The following NRG3 variants were observed in gnomAD, a reference collection of about 807,000 sequenced individuals.
The protein encoded by NRG3 is neuregulin 3.
A neutral mutation model predicts 66.9 loss-of-function variants in NRG3; 31 were observed. That is an observed-to-expected ratio of 0.46 (90% CI 0.35 to 0.63). NRG3 has a LOEUF of 0.63. Ranked by LOEUF, NRG3 falls within the 20% of genes least tolerant of loss-of-function variation. The probability of loss-of-function intolerance (pLI) is 0.00; values close to 1 mark genes in which losing one functional copy is unlikely to be tolerated. For missense variants in NRG3, 910 were observed against 878.9 expected, an observed-to-expected ratio of 1.04 and a Z score of -0.45; for synonymous variants, 393 against 359.4, an observed-to-expected ratio of 1.09 and a Z score of -1.06.
At chr10:82,395,932 T>C (rs2086687114) in intron 2 of NRG3, among the ~76,000 whole-genome samples, 1 of 152,084 alleles carries the variant, frequency 6.6e-6, no homozygotes, top group African/African-American at 2.4e-5. Flanking sequence ...GAAAGACTAA[T>C]ATTTATTTAG....
chr10:82,312,649 G>A (rs771862465), intron 1 of NRG3, among the ~76,000 whole-genome samples: 1 of 152,154 alleles, frequency 6.6e-6, no homozygotes, highest in Non-Finnish European at 1.5e-5. Context: ...ATTGCAAGAT[G>A]GCACCTAGTG....
At chr10:82,266,387 G>C (rs943987653) in intron 1 of NRG3, among the ~76,000 whole-genome samples, 3 of 152,022 alleles carry the variant, frequency 2.0e-5, no homozygotes, top group African/African-American at 7.2e-5. Context: ...AGTAATATGG[G>C]GGCTACAGCG....
chr10:82,961,210 A>G (rs564642771), intron 6 of NRG3, among the ~76,000 whole-genome samples: 1 of 152,352 alleles, frequency 6.6e-6, no homozygotes, highest in Admixed American at 6.5e-5. Flanking sequence ...ATAAGGTGAA[A>G]AGTTTGTACC....
chr10:82,135,926 A>T (rs1172663087), intron 1 of NRG3, among the ~76,000 whole-genome samples: 1 of 152,064 alleles, frequency 6.6e-6, no homozygotes, highest in Admixed American at 6.6e-5. Flanking sequence ...GGCATTGAAG[A>T]GTTGGGTATT....
intron 1 of NRG3, among the ~76,000 whole-genome samples, chr10:81,947,165 T>C (rs1354780631): frequency 1.3e-5 from 2 of 152,162 alleles, no homozygotes; most frequent in Non-Finnish European, 2.9e-5. Context: ...TCTTGGTCTC[T>C]GTCTATTCGC....
At chr10:82,905,950 G>T (rs1173938350) in intron 4 of NRG3, among the ~76,000 whole-genome samples, 1 of 152,078 alleles carries the variant, frequency 6.6e-6, no homozygotes, top group Non-Finnish European at 1.5e-5. Flanking sequence ...TAGGTTAGAG[G>T]CTAGCTTAGC....
chr10:82,132,511 T>TATATC lies in NRG3; in HGVS notation c.824-226224_824-226223insCATAT, dbSNP rs1564593794. ...ATATATGATATATATATATCATATA[T>TATATC]ATATGATATATATGATATATATATG... On this transcript the variant is annotated intron_variant, in intron 1 of 8. Transcript: ENST00000372141. Among the ~76,000 whole-genome samples, 98 of 12,686 alleles carry TATATC rather than the reference T, an allele frequency of 7.7e-3. 15 individuals are homozygous for TATATC. The highest frequency in any genetic ancestry group is 0.013 in the Non-Finnish European group (68 of 5,106). The allele number at this position is 12,686 out of a possible 152,430, so 8.3% of individuals were successfully genotyped here. A position where few individuals can be genotyped will look rare whatever the true frequency, so the allele number is the denominator to read the frequency against.
At chr10:82,284,595 T>A (rs1048834550) in intron 1 of NRG3, among the ~76,000 whole-genome samples, 2 of 152,238 alleles carry the variant, frequency 1.3e-5, no homozygotes, top group African/African-American at 2.4e-5. Context: ...TTTCTGTTTC[T>A]TTAATGATTT....
chr10:82,967,626 G>A (rs1161961912), intron 6 of NRG3, among the ~76,000 whole-genome samples: 3 of 152,136 alleles, frequency 2.0e-5, no homozygotes, highest in East Asian at 1.9e-4. Context: ...TACGTGAGAC[G>A]GAAAGGCTAC....
chr10:82,109,184 C>T (rs2067231392), intron 1 of NRG3, among the ~76,000 whole-genome samples: 1 of 152,186 alleles, frequency 6.6e-6, no homozygotes, highest in Admixed American at 6.5e-5. Context: ...ACCTCCACAA[C>T]AGCCAAGTTT....
At chr10:82,642,626 G>T (rs1222721362) in intron 2 of NRG3, among the ~76,000 whole-genome samples, 1 of 151,398 alleles carries the variant, frequency 6.6e-6, no homozygotes, top group Non-Finnish European at 1.5e-5. Context: ...AAAAAACCCT[G>T]GTTCTTCCAA....
At chr10:81,882,742 T>A (rs1176403163) in intron 1 of NRG3, among the ~76,000 whole-genome samples, 1 of 152,274 alleles carries the variant, frequency 6.6e-6, no homozygotes, top group East Asian at 1.9e-4. Flanking sequence ...TTACCTAGCT[T>A]GAGGGATCTT....
chr10:82,937,969 G>T (rs924469806), intron 4 of NRG3, among the ~76,000 whole-genome samples: 1 of 152,044 alleles, frequency 6.6e-6, no homozygotes, highest in Admixed American at 6.6e-5. Flanking sequence ...AGCCCCACTG[G>T]ATTTCAAAGA....
intron 1 of NRG3, among the ~76,000 whole-genome samples, chr10:82,165,070 A>G (rs1194640003): frequency 6.6e-6 from 1 of 152,142 alleles, no homozygotes; most frequent in Non-Finnish European, 1.5e-5. Flanking sequence ...ATTTTCATGT[A>G]TATTTTTATA....
chr10:82,197,363 G>A (rs2074505286), intron 1 of NRG3, among the ~76,000 whole-genome samples: 1 of 152,136 alleles, frequency 6.6e-6, no homozygotes, highest in African/African-American at 2.4e-5. Context: ...CATTTCTATA[G>A]TACAAAGGCT....
At chr10:82,016,466 T>C (rs2061791473) in intron 1 of NRG3, among the ~76,000 whole-genome samples, 1 of 150,614 alleles carries the variant, frequency 6.6e-6, no homozygotes, top group Admixed American at 6.6e-5. Flanking sequence ...GAGTGTGGAG[T>C]ACAAGACGAG....
chr10:82,541,852 T>G (rs1299162427), intron 2 of NRG3, among the ~76,000 whole-genome samples: 1 of 152,176 alleles, frequency 6.6e-6, no homozygotes, highest in Non-Finnish European at 1.5e-5. Context: ...AAATTTGTGT[T>G]CTAAATACCT....
rs561688194 is a variant in NRG3, at chr10:82,153,373, C to T, written c.824-205366C>T. ...GTTTCATCCATGTTGTCACAAATGA[C>T]AGAATTTCTTTTTTGTGTAAGGCTA... On this transcript the variant is annotated intron_variant, in intron 1 of 8. Coordinates refer to ENST00000372141, the MANE Select transcript of NRG3 (RefSeq NM_001010848.4). 6.0e-5 allele frequency among the ~76,000 whole-genome samples: 9 copies of T among 151,052 alleles called. No homozygotes were observed. In the East Asian group the frequency reaches 1.6e-3, roughly 26 times the overall value.
At chr10:82,152,704 A>G (rs2070847969) in intron 1 of NRG3, among the ~76,000 whole-genome samples, 3 of 5,570 alleles carry the variant, frequency 5.4e-4, no homozygotes, top group Non-Finnish European at 8.5e-4. Context: ...AGAAAATGCC[A>G]TATATGGAAA....
Sources: allele counts gnomAD v4.1 joint callset (sites outside exome capture counted in the v4.1 genomes callset), GRCh38; gene constraint gnomAD v4.1.1; transcripts MANE v1.5; gene names NCBI Gene and HGNC (gene_info 2026-07-23, HGNC 2026-07-21).